NLGN1: variants seen among roughly 807,000 people sequenced by gnomAD.
NLGN1 encodes the protein neuroligin-1.
NLGN1 carries 12 observed loss-of-function variants against 65.5 expected under a neutral mutation model. The ratio of observed to expected loss-of-function variants is 0.18; its 90% CI spans 0.12 to 0.30. The LOEUF is 0.30. Ranked by LOEUF, NLGN1 falls within the 10% of genes least tolerant of loss-of-function variation. NLGN1 has a pLI of 1.00. For synonymous variants in NLGN1, 350 were observed against 359.5 expected, an observed-to-expected ratio of 0.97 and a Z score of 0.30; for missense variants, 750 against 1,007.1, an observed-to-expected ratio of 0.74 and a Z score of 3.46.
At chr3:174,195,368 AT>A (rs1329040585) in intron 4 of NLGN1, among the ~76,000 whole-genome samples, 1 of 152,274 alleles carries the variant, frequency 6.6e-6, no homozygotes, top group African/African-American at 2.4e-5. Flanking sequence ...ATTAACATCA[AT>A]TATCACTGTA....
At chr3:173,741,919 C>T (rs957227957) in intron 3 of NLGN1, among the ~76,000 whole-genome samples, 2 of 152,116 alleles carry the variant, frequency 1.3e-5, no homozygotes, top group Non-Finnish European at 1.5e-5. Flanking sequence ...TCATACACTG[C>T]GTCCCCGTAA....
intron 2 of NLGN1, among the ~76,000 whole-genome samples, chr3:173,491,649 G>A (rs1729182933): frequency 6.6e-6 from 1 of 151,684 alleles, no homozygotes; most frequent in East Asian, 1.9e-4. Context: ...TGGGTTTCAT[G>A]TCTGCTAATA....
chr3:173,651,370 G>A (rs755545708), intron 3 of NLGN1, among the ~76,000 whole-genome samples: 24 of 151,662 alleles, frequency 1.6e-4, no homozygotes, highest in Non-Finnish European at 3.2e-4. Context: ...TCTGTTGATG[G>A]ACAGTTAGGT....
At chr3:174,224,895 A>G (rs1739330952) in intron 4 of NLGN1, among the ~76,000 whole-genome samples, 1 of 152,178 alleles carries the variant, frequency 6.6e-6, no homozygotes. Context: ...CACTCAGTTT[A>G]GAGATAAGCC....
At chr3:173,448,317 A>T (rs1720777299) in intron 2 of NLGN1, among the ~76,000 whole-genome samples, 1 of 152,226 alleles carries the variant, frequency 6.6e-6, no homozygotes, top group Admixed American at 6.5e-5. Context: ...CTATTGAGAT[A>T]ATCATGTGAT....
At chr3:174,208,076 G>A (rs1223430009) in intron 4 of NLGN1, among the ~76,000 whole-genome samples, 1 of 152,038 alleles carries the variant, frequency 6.6e-6, no homozygotes, top group African/African-American at 2.4e-5. Flanking sequence ...TGCCTTTTGG[G>A]GGCATGAATG....
intron 2 of NLGN1, among the ~76,000 whole-genome samples, chr3:173,440,879 A>G (rs1455970362): frequency 6.6e-6 from 1 of 152,154 alleles, no homozygotes; most frequent in Admixed American, 6.6e-5. Flanking sequence ...CCAGACATTG[A>G]CTTCTCTCTA....
intron 1 of NLGN1, among the ~76,000 whole-genome samples, chr3:173,422,912 TCACAC>T (rs1715370091): frequency 6.6e-6 from 1 of 152,184 alleles, no homozygotes. Flanking sequence ...TAGTCCATTC[TCACAC>T]TGCTATAAAG....
intron 4 of NLGN1, among the ~76,000 whole-genome samples, chr3:173,857,675 G>A (rs1728266737): frequency 6.6e-6 from 1 of 151,936 alleles, no homozygotes; most frequent in South Asian, 2.1e-4. Context: ...GCCACTTATT[G>A]GGCTACATTG....
At chr3:174,265,905 T>A in intron 4 of NLGN1, among the ~76,000 whole-genome samples, 1 of 95,760 alleles carries the variant, frequency 1.0e-5, no homozygotes, top group East Asian at 2.7e-4. Context: ...TGTATATATG[T>A]GTATATATGT....
At chr3:173,974,070 T>G (rs1716883554) in intron 4 of NLGN1, among the ~76,000 whole-genome samples, 1 of 152,004 alleles carries the variant, frequency 6.6e-6, no homozygotes, top group Non-Finnish European at 1.5e-5. Context: ...CAGAACAACT[T>G]GAAATCTACA....
At chr3:173,747,088 ACAC>A (rs1775522728) in intron 3 of NLGN1, among the ~76,000 whole-genome samples, 1 of 149,724 alleles carries the variant, frequency 6.7e-6, no homozygotes, top group Non-Finnish European at 1.5e-5. Flanking sequence ...ACACACACAC[ACAC>A]AAACACACAC....
At chr3:173,504,364 C>T (rs1731650681) in intron 2 of NLGN1, among the ~76,000 whole-genome samples, 1 of 152,070 alleles carries the variant, frequency 6.6e-6, no homozygotes, top group Non-Finnish European at 1.5e-5. Flanking sequence ...AAACTGATAG[C>T]TCATATGTGT....
At chr3:174,032,879 A>G (rs1730309423) in intron 4 of NLGN1, among the ~76,000 whole-genome samples, 1 of 151,942 alleles carries the variant, frequency 6.6e-6, no homozygotes, top group African/African-American at 2.4e-5. Flanking sequence ...CCGTTTTCTA[A>G]CCCCAACAGG....
chr3:174,216,331 A>C (rs143581710), intron 4 of NLGN1, among the ~76,000 whole-genome samples: 2 of 152,184 alleles, frequency 1.3e-5, no homozygotes, highest in Non-Finnish European at 2.9e-5. Context: ...CCAGAAAAGA[A>C]CCCACGAAAT....
chr3:173,988,214 C>T (rs1720357124), intron 4 of NLGN1, among the ~76,000 whole-genome samples: 1 of 152,116 alleles, frequency 6.6e-6, no homozygotes, highest in African/African-American at 2.4e-5. Context: ...CGTCTATAAT[C>T]TAATAGCCCT....
intron 5 of NLGN1, among the ~76,000 whole-genome samples, chr3:174,276,254 T>A (rs1433047410): frequency 6.6e-6 from 1 of 151,910 alleles, no homozygotes. Context: ...TTTTCCCAAG[T>A]GCCTGTCTGT....
chr3:173,405,460 C>T (rs991928490), intron 1 of NLGN1, among the ~76,000 whole-genome samples: 2 of 151,918 alleles, frequency 1.3e-5, no homozygotes, highest in African/African-American at 4.8e-5. Context: ...ACCTTGATTT[C>T]AGATATGTTA....
intron 2 of NLGN1, among the ~76,000 whole-genome samples, chr3:173,561,405 G>A (rs531304781): frequency 4.6e-5 from 7 of 152,020 alleles, no homozygotes; most frequent in Admixed American, 3.3e-4. Flanking sequence ...TCCAAATCTC[G>A]TAGCTTCCTA....
Sources: allele counts gnomAD v4.1 joint callset (sites outside exome capture counted in the v4.1 genomes callset), GRCh38; gene constraint gnomAD v4.1.1; transcripts MANE v1.5; gene names NCBI Gene and HGNC (gene_info 2026-07-23, HGNC 2026-07-21).